Variants in CHRNB4 observed in about 807,000 individuals in gnomAD.
CHRNB4 encodes neuronal acetylcholine receptor subunit beta-4.
Under a neutral mutation model 40.4 loss-of-function variants are expected in CHRNB4, and 23 were observed. The observed-to-expected ratio is 0.57, with a 90% CI of 0.41 to 0.81. The LOEUF is 0.81. CHRNB4 is among the 30% of genes least tolerant of loss of function. CHRNB4 has a pLI of 0.00. For synonymous variants in CHRNB4, 285 were observed against 274.4 expected (o/e 1.04, Z -0.38); for missense variants, 568 against 670.6 (o/e 0.85, Z 1.69).
At chr15:78,649,591 C>G (rs73467212) in intron 6 of CHRNB4, among the ~76,000 whole-genome samples, 5,448 of 152,216 alleles carry the variant, frequency 0.036, 319 homozygotes, top group African/African-American at 0.12. Context: ...TTTGCTGACC[C>G]TTGATCTAAA....
chr15:78,656,025 T>G (rs370272063), intron 4 of CHRNB4, among the ~76,000 whole-genome samples: 13 of 152,284 alleles, frequency 8.5e-5, no homozygotes, highest in African/African-American at 2.9e-4. Flanking sequence ...AATTGTTTGC[T>G]CCGACATACA....
chr15:78,625,122 C>T lies in CHRNB4; in HGVS notation c.*11G>A. On this transcript the variant is annotated 3_prime_UTR_variant, in exon 6 of 6. Transcript: ENST00000261751. ...CACTCACATCCTCTCACCCCACAAC[C>T]CAGGGGGCCCTCAGTCACGCTGGGC... 1.9e-6 allele frequency: 3 copies of T among 1,614,046 alleles called. No homozygotes were observed. The highest frequency in any genetic ancestry group is 2.5e-6 in the Non-Finnish European group (3 of 1,180,024).
At chr15:78,642,368 A>G (rs2054087498), upstream of CHRNB4, among the ~76,000 whole-genome samples, 1 of 152,240 alleles carries the variant, frequency 6.6e-6, no homozygotes, top group African/African-American at 2.4e-5. Context: ...TAGGATAATC[A>G]TCTCCATGAA....
rs568641851 is a variant in CHRNB4, at chr15:78,637,654, G to T, written c.56-2067C>A. Reference sequence around the variant, plus strand: ...GAGCACAGACCAACCCAATTAGGCAGGCCTGAGGTGGACTTAGGGGTGGGT... The same window carrying T: ...GAGCACAGACCAACCCAATTAGGCATGCCTGAGGTGGACTTAGGGGTGGGT... On this transcript the variant is annotated intron_variant, in intron 1 of 5. Coordinates refer to ENST00000261751, the MANE Select transcript of CHRNB4 (RefSeq NM_000750.5). Among the ~76,000 whole-genome samples, 3 of 152,350 alleles carry T rather than the reference G, an allele frequency of 2.0e-5. No individual in the cohort carries two copies. The East Asian group carries it at 5.8e-4, about 29-fold the overall frequency.
intron 2 of CHRNB4, 90 bp downstream of exon 2, chr15:78,635,349 G>T: frequency 6.6e-7 from 1 of 1,515,570 alleles, no homozygotes; most frequent in Non-Finnish European, 8.9e-7. Context: ...AACTATAGTA[G>T]TTTCATTCCT....
At position 78,629,285 on chromosome 15, in the gene CHRNB4, C is replaced by T. The variant is rs1169348557; in HGVS notation, c.1020G>A (p.Lys340=). 3 of 1,613,450 alleles carry T rather than the reference C, an allele frequency of 1.9e-6. No homozygotes were observed. In the Admixed American group the frequency reaches 5.0e-5, roughly 27 times the overall value. The change falls in exon 5 of 6, where the codon AAG becomes AAA. Residue 340 remains lysine, a synonymous_variant. Coordinates refer to ENST00000261751, the MANE Select transcript of CHRNB4 (RefSeq NM_000750.5). This position sits in a 1 kb window ranked among gnomAD's most constrained non-coding sequence, Gnocchi z 6.8. Reference sequence around the variant, plus strand: ...GCTTCATGAAGAGGAAGGTAGGCAGCTTGTGCAGGAAGCAGCGCTTGACCC... The same window carrying T: ...GCTTCATGAAGAGGAAGGTAGGCAGTTTGTGCAGGAAGCAGCGCTTGACCC... The part of the protein sequence containing the change: ...APWVKRCFLH[K]LPTFLFMKRP...
chr15:78,625,289 G>C lies in CHRNB4; in HGVS notation c.1341C>G (p.Val447=). ...HMKNDDEDQS[V]VEDWKYVAMV... is the part of the protein sequence containing the mutation. ...TAGCCACGTACTTCCAGTCCTCAAC[G>C]ACCTGCAGGCAGACAGAGGAGTTGG... is the stretch of plus-strand genomic sequence containing the variant. The change falls in exon 6 of 6, where the codon GTC becomes GTG. Residue 447 remains valine (V), a splice_region_variant and synonymous_variant. Coordinates refer to ENST00000261751, the MANE Select transcript of CHRNB4 (RefSeq NM_000750.5). 6.5e-7 allele frequency: 1 copy of C among 1,532,932 alleles called. No individual in the cohort carries two copies. The highest frequency in any genetic ancestry group is 1.3e-5 in the South Asian group (1 of 77,438). The allele number at this position is 1,532,932 out of a possible 1,614,324, so 95.0% of individuals were successfully genotyped here.
chr15:78,624,974 C>T lies in CHRNB4; in HGVS notation c.*159G>A, dbSNP rs55952530. The T allele has an allele frequency of 0.028, 43,995 of 1,561,906 alleles. 763 individuals carry two copies. The highest frequency in any genetic ancestry group is 0.033 in the Non-Finnish European group (38,301 of 1,161,462). The stretch of plus-strand genomic sequence containing the variant: ...AGGCATTCAGAGAGGACAGCCCAGG[C>T]CCCCATCCTTGCCTGTTCCACGGCT... On this transcript the variant is annotated 3_prime_UTR_variant, in exon 6 of 6. Transcript: ENST00000261751.
intron 1 of CHRNB4, among the ~76,000 whole-genome samples, chr15:78,636,616 T>C (rs1015203092): frequency 6.6e-6 from 1 of 151,892 alleles, no homozygotes; most frequent in Non-Finnish European, 1.5e-5. Context: ...TTTTTCCTTT[T>C]TTTTTTTTTA....
chr15:78,629,521 C>T lies in CHRNB4; in HGVS notation c.784G>A (p.Glu262Lys), dbSNP rs751830690. ...ACTGAGATGCACAGTGTCATCTTCTCGCCGCAGTCGGATGGCAGGTAGAAG... is the reference window on the plus strand; with the variant it reads ...ACTGAGATGCACAGTGTCATCTTCTTGCCGCAGTCGGATGGCAGGTAGAAG... ...LVFYLPSDCG[E>K]KMTLCISVLL... Residue 262 changes from glutamate (E) to lysine (K), a missense_variant, in exon 5 of 6, where the codon GAG (glutamate) becomes AAG (lysine). Transcript: ENST00000261751. This position sits in a 1 kb window ranked among gnomAD's most constrained non-coding sequence, Gnocchi z 6.8. The T allele has an allele frequency of 7.4e-6, 12 of 1,613,986 alleles. No individual in the cohort carries two copies. Among genetic ancestry groups the T allele is most frequent in the Middle Eastern group, 3.3e-4 (2 of 6,084 alleles).
At chr15:78,658,777 C>A (rs1214105244) in intron 1 of CHRNB4, among the ~76,000 whole-genome samples, 3 of 152,158 alleles carry the variant, frequency 2.0e-5, no homozygotes, top group Admixed American at 6.5e-5. Flanking sequence ...CTGACCTGAA[C>A]CAATTCTTGG....
rs1178287320 is a variant in CHRNB4, at chr15:78,629,290, G to A, written c.1015C>T (p.His339Tyr). ...ATGAAGAGGAAGGTAGGCAGCTTGT[G>A]CAGGAAGCAGCGCTTGACCCAGGGT... ...MAPWVKRCFL[H>Y]KLPTFLFMKR... The change falls in exon 5 of 6, where the codon CAC becomes TAC. Residue 339 changes from histidine to tyrosine, a missense_variant. By Grantham distance (83) the His-to-Tyr change is moderately conservative. Transcript: ENST00000261751. The surrounding 1 kb of genome is among the most constrained non-coding windows in gnomAD (Gnocchi z 6.8). 2 of 1,613,490 alleles carry A rather than the reference G, an allele frequency of 1.2e-6. No individual in the cohort carries two copies. The highest frequency in any genetic ancestry group is 1.3e-5 in the African/African-American group (1 of 74,920).
intron 1 of CHRNB4, among the ~76,000 whole-genome samples, chr15:78,659,418 A>C (rs2054236318): frequency 6.6e-6 from 1 of 152,196 alleles, no homozygotes; most frequent in South Asian, 2.1e-4. Flanking sequence ...ACAGAGAAAG[A>C]CCGTGTCTCA....
chr15:78,646,217 T>G (rs1480803886), upstream of CHRNB4, among the ~76,000 whole-genome samples: 1 of 152,148 alleles, frequency 6.6e-6, no homozygotes, highest in Non-Finnish European at 1.5e-5. Flanking sequence ...AAAAGATCCA[T>G]GACACACGGA....
chr15:78,628,442 G>C (rs147009051), intron 5 of CHRNB4, among the ~76,000 whole-genome samples: 14 of 152,288 alleles, frequency 9.2e-5, no homozygotes, highest in Non-Finnish European at 1.6e-4. Flanking sequence ...CCAGCACCAA[G>C]GGTGCTTGTT....
At position 78,631,161 on chromosome 15, in the gene CHRNB4, A is replaced by G. The variant is rs1241439566; in HGVS notation, c.274T>C (p.Trp92Arg). The change falls in exon 4 of 6, where the codon TGG becomes CGG. Residue 92 changes from tryptophan (W) to arginine (R), a missense_variant. Around this residue, in one of 4 missense-constraint regions of CHRNB4, gnomAD observed 161 missense variants for 148.1 expected, o/e 1.09. Coordinates refer to ENST00000261751, the MANE Select transcript of CHRNB4 (RefSeq NM_000750.5). Reference protein sequence around the residue: ...KQEWTDYRLTWNSSRYEGVNI... With the variant: ...KQEWTDYRLTRNSSRYEGVNI... Reference sequence around the variant, plus strand: ...ACACCCTCGTAGCGGGAGCTGTTCCAGGTCAGGCGGTAATCAGTCCATTCC... The same window carrying G: ...ACACCCTCGTAGCGGGAGCTGTTCCGGGTCAGGCGGTAATCAGTCCATTCC... 6.2e-7 allele frequency: 1 copy of G among 1,614,118 alleles called. No homozygotes were observed. Among genetic ancestry groups the G allele is most frequent in the Non-Finnish European group, 8.5e-7 (1 of 1,180,048 alleles).
chr15:78,647,690 C>CAAA lies in CHRNB4; in HGVS notation c.46+1686_46+1688dup, dbSNP rs57493774. ...TGAAACCCCGTCTCTACTAAAAATC[C>CAAA]AAAAAAAAAAAAAAAAAAAATTAGC... On this transcript the variant is annotated intron_variant and NMD_transcript_variant, in intron 7 of 11. Transcript: ENST00000559849. 5.5e-4 allele frequency among the ~76,000 whole-genome samples: 34 copies of CAAA among 62,252 alleles called. 1 individual carries two copies. The highest frequency in any genetic ancestry group is 8.3e-4 in the African/African-American group (17 of 20,568). 40.8% of individuals were successfully genotyped at this position (62,252 alleles called of 152,430 possible). A position where few individuals can be genotyped will look rare whatever the true frequency, so the allele number is the denominator to read the frequency against.
intron 1 of CHRNB4, 117 bp downstream of exon 1, chr15:78,640,962 A>G: frequency 8.5e-7 from 1 of 1,177,158 alleles, no homozygotes; most frequent in South Asian, 1.4e-5. Flanking sequence ...TGGCCGGGAC[A>G]ATCTCGGGCC....
rs375172518 is a variant in CHRNB4 at position 78,629,223 on chromosome 15, G to A, written c.1082C>T (p.Pro361Leu). 2.2e-5 allele frequency: 36 copies of A among 1,613,510 alleles called. No homozygotes were observed. In the African/African-American group the frequency reaches 2.4e-4, roughly 11 times the overall value. ...GPDSSPARAF[P>L]PSKSCVTKPE... ...CTTGGTCACGCATGACTTGCTGGGC[G>A]GGAAGGCTCTGGCCGGGCTGCTGTC... The change falls in exon 5 of 6, where the codon CCG becomes CTG. Residue 361 changes from proline to leucine, a missense_variant. By Grantham distance (98) the Pro-to-Leu change is moderately conservative. Transcript: ENST00000261751. The surrounding 1 kb of genome is among the most constrained non-coding windows in gnomAD (Gnocchi z 6.8).
Sources: gnomAD v4.1 joint callset for allele counts (sites outside exome capture counted in the v4.1 genomes callset) on GRCh38, gnomAD v4.1.1 for gene constraint, gnomAD v4.1.1 regional missense constraint, Gnocchi (gnomAD v3.1) non-coding constraint, MANE v1.5 for transcripts, NCBI Gene and HGNC (gene_info 2026-07-23, HGNC 2026-07-21) for gene names.